The following KCTD16 variants were observed in gnomAD, a reference collection of about 807,000 sequenced individuals.
KCTD16 encodes the protein BTB/POZ domain-containing protein KCTD16.
A neutral mutation model predicts 33.2 loss-of-function variants in KCTD16; 13 were observed. That is an observed-to-expected ratio of 0.39 (90% CI 0.25 to 0.62). The LOEUF (loss-of-function observed/expected upper bound fraction) is 0.62, where lower values mean the gene tolerates loss of function less well. Among genes scored for constraint, KCTD16 ranks in the 20% least tolerant of loss-of-function variants. The pLI is 0.50. For missense variants in KCTD16, 441 were observed against 525.1 expected (o/e 0.84, Z 1.57); for synonymous variants, 197 against 195.3 (o/e 1.01, Z -0.07).
chr5:144,450,443 T>G lies in KCTD16; in HGVS notation c.833-23217T>G, dbSNP rs116225184. On this transcript the variant is annotated intron_variant, in intron 3 of 3. Transcript: ENST00000512467. ...TCATATGATCCAGCAATCTCATTTC[T>G]GGGCATATATTCAAAATAATTGAAA... Among the ~76,000 whole-genome samples, 504 of 152,218 alleles carry G rather than the reference T, an allele frequency of 3.3e-3. 2 individuals carry two copies. Among genetic ancestry groups the G allele is most frequent in the African/African-American group, 0.012 (490 of 41,560 alleles).
intron 2 of KCTD16, among the ~76,000 whole-genome samples, chr5:144,178,974 A>G (rs867559012): frequency 2.0e-5 from 3 of 152,238 alleles, no homozygotes; most frequent in Admixed American, 1.3e-4. Flanking sequence ...CAGCACGTGC[A>G]TCAGAAAATG....
Position 144,473,809 on chromosome 5 carries a change from G to C in KCTD16, c.982G>C (p.Val328Leu). 1 of 1,614,060 alleles carries C rather than the reference G, an allele frequency of 6.2e-7. No individual in the cohort carries two copies. Among genetic ancestry groups the C allele is most frequent in the Non-Finnish European group, 8.5e-7 (1 of 1,179,988 alleles). The change falls in exon 4 of 4, where the codon GTC becomes CTC. Residue 328 changes from valine (V) to leucine (L), a missense_variant. Physicochemically the swap from Val to Leu is conservative, Grantham distance 32. Around this residue, in one of 3 missense-constraint regions of KCTD16, gnomAD observed 355 missense variants for 413.0 expected, o/e 0.86. Transcript: ENST00000512467. ...QSEASSPQET[V>L]ICGPVTRQTN... ...TGAGGCCAGCTCTCCCCAGGAGACG[G>C]TCATCTGTGGTCCCGTGACACGCCA...
chr5:144,337,398 T>A (rs1752517095), intron 3 of KCTD16, among the ~76,000 whole-genome samples: 1 of 152,218 alleles, frequency 6.6e-6, no homozygotes, highest in Non-Finnish European at 1.5e-5. Flanking sequence ...TAGTAGGCTA[T>A]GATTTTAATG....
chr5:144,312,324 A>G (rs547124336), intron 3 of KCTD16, among the ~76,000 whole-genome samples: 1 of 152,244 alleles, frequency 6.6e-6, no homozygotes, highest in East Asian at 1.9e-4. Context: ...TATCCTTGGC[A>G]TTCATCACTC....
At chr5:144,368,337 G>A (rs1479623633) in intron 3 of KCTD16, among the ~76,000 whole-genome samples, 2 of 152,120 alleles carry the variant, frequency 1.3e-5, no homozygotes, top group Admixed American at 6.5e-5. Flanking sequence ...AAAAGCAGGA[G>A]AGAAAGTCAG....
At chr5:144,391,661 A>G (rs1482513082) in intron 3 of KCTD16, among the ~76,000 whole-genome samples, 1 of 152,182 alleles carries the variant, frequency 6.6e-6, no homozygotes. Flanking sequence ...TCCTTATAAA[A>G]TGGTAACTCT....
chr5:144,328,915 C>G (rs1251791657), intron 3 of KCTD16, among the ~76,000 whole-genome samples: 1 of 151,250 alleles, frequency 6.6e-6, no homozygotes. Flanking sequence ...TCATTGATGC[C>G]AATCGTTCTT....
At chr5:144,435,892 G>T (rs1753566929) in intron 3 of KCTD16, among the ~76,000 whole-genome samples, 1 of 151,764 alleles carries the variant, frequency 6.6e-6, no homozygotes, top group African/African-American at 2.4e-5. Context: ...CAAGAATTCT[G>T]TAACTGTTAT....
chr5:144,208,822 A>G (rs1225353397), intron 3 of KCTD16, among the ~76,000 whole-genome samples: 3 of 152,256 alleles, frequency 2.0e-5, no homozygotes, highest in African/African-American at 7.2e-5. Context: ...AAACGAAATC[A>G]GTAATCAGTT....
intron 3 of KCTD16, among the ~76,000 whole-genome samples, chr5:144,228,359 G>A (rs1454199895): frequency 6.6e-6 from 1 of 152,194 alleles, no homozygotes; most frequent in Non-Finnish European, 1.5e-5. Flanking sequence ...ACATACTGCT[G>A]AAAGAGTAAA....
intron 3 of KCTD16, among the ~76,000 whole-genome samples, chr5:144,454,530 G>A (rs1349836619): frequency 6.6e-6 from 1 of 150,668 alleles, no homozygotes; most frequent in Non-Finnish European, 1.5e-5. Context: ...ACATGAAATC[G>A]GAAAGATATT....
At chr5:144,340,213 G>C (rs1044732234) in intron 3 of KCTD16, among the ~76,000 whole-genome samples, 1 of 151,848 alleles carries the variant, frequency 6.6e-6, no homozygotes, top group South Asian at 2.1e-4. Flanking sequence ...AGGAGATGGA[G>C]ACCACAGTGA....
intron 3 of KCTD16, among the ~76,000 whole-genome samples, chr5:144,228,011 C>CATTATT (rs1188318665): frequency 6.6e-6 from 1 of 152,154 alleles, no homozygotes; most frequent in Non-Finnish European, 1.5e-5. Flanking sequence ...GCTTGTTAGA[C>CATTATT]ATTCATGTGA....
intron 3 of KCTD16, among the ~76,000 whole-genome samples, chr5:144,228,193 A>C (rs1753992094): frequency 6.6e-6 from 1 of 152,290 alleles, no homozygotes; most frequent in South Asian, 2.1e-4. Context: ...AGGTCTAAGC[A>C]CTCAAGTGTT....
At chr5:144,421,217 A>G (rs1753200854) in intron 3 of KCTD16, among the ~76,000 whole-genome samples, 1 of 152,170 alleles carries the variant, frequency 6.6e-6, no homozygotes, top group African/African-American at 2.4e-5. Flanking sequence ...TCAAAATCAT[A>G]CCAGACAAAA....
intron 3 of KCTD16, among the ~76,000 whole-genome samples, chr5:144,279,846 A>T (rs1219291685): frequency 6.6e-6 from 1 of 152,228 alleles, no homozygotes; most frequent in Non-Finnish European, 1.5e-5. Flanking sequence ...CCATAGCAAG[A>T]TCTGTTCTAT....
intron 2 of KCTD16, 113 bp downstream of exon 2, chr5:144,174,585 T>C (rs1001814415): frequency 6.6e-6 from 1 of 152,226 alleles, no homozygotes; most frequent in African/African-American, 2.4e-5. Flanking sequence ...ACCAAAGAGT[T>C]TCCTCATCAA....
At position 144,400,173 on chromosome 5, in the gene KCTD16, G is replaced by C. The variant is rs1440776959; in HGVS notation, c.833-73487G>C. Among the ~76,000 whole-genome samples, 3 of 152,202 alleles carry C rather than the reference G, an allele frequency of 2.0e-5. No homozygotes were observed. The South Asian group carries it at 6.2e-4, about 32-fold the overall frequency. On this transcript the variant is annotated intron_variant, in intron 3 of 3. Coordinates refer to ENST00000512467, the MANE Select transcript of KCTD16 (RefSeq NM_020768.4). The stretch of plus-strand genomic sequence containing the variant: ...GCTTAACCAGGATACAGTTCTTGTG[G>C]GGATAGGTGCCTGCTGGACAGAGGA...
At chr5:144,365,218 C>A (rs1440171878) in intron 3 of KCTD16, among the ~76,000 whole-genome samples, 1 of 151,910 alleles carries the variant, frequency 6.6e-6, no homozygotes, top group Non-Finnish European at 1.5e-5. Context: ...AAAAGATTTC[C>A]CTTGGAGATA....
Sources: allele counts gnomAD v4.1 joint callset (sites outside exome capture counted in the v4.1 genomes callset), GRCh38; gene constraint gnomAD v4.1.1; regional missense constraint gnomAD v4.1.1; transcripts MANE v1.5; gene names NCBI Gene and HGNC (gene_info 2026-07-23, HGNC 2026-07-21).